The following MCF2 variants were observed in gnomAD, a reference collection of about 807,000 sequenced individuals.
MCF2 encodes MCF.2 cell line derived transforming sequence, also known as proto-oncogene DBL.
In MCF2, 44 loss-of-function variants were observed where a neutral mutation model predicts 82.5. That is an observed-to-expected ratio of 0.53 (90% CI 0.42 to 0.69). The LOEUF is 0.69. MCF2 is among the 30% of genes least tolerant of loss of function. MCF2 has a pLI of 0.00. For synonymous variants in MCF2, 217 were observed against 224.9 expected (o/e 0.96, Z 0.32); for missense variants, 623 against 663.1 (o/e 0.94, Z 0.66).
chrX:139,591,287 T>C (rs1476624798), intron 19 of MCF2, among the ~76,000 whole-genome samples: 1 of 111,648 alleles, frequency 9.0e-6, no homozygotes, highest in Non-Finnish European at 1.9e-5. Context: ...GAGTAAATGC[T>C]TAGATCCTAT....
intron 19 of MCF2, among the ~76,000 whole-genome samples, chrX:139,595,880 T>C (rs955828767): frequency 4.5e-5 from 5 of 111,719 alleles, no homozygotes; most frequent in African/African-American, 9.7e-5. Flanking sequence ...GTAAGTATCA[T>C]TGGGTTGTCA....
At chrX:139,694,513 CAATAG>C (rs1187160420) in intron 1 of MCF2, among the ~76,000 whole-genome samples, 1 of 110,224 alleles carries the variant, frequency 9.1e-6, no homozygotes, top group Non-Finnish European at 1.9e-5. Flanking sequence ...ACTTATAGAT[CAATAG>C]AATAGAACTG....
chrX:139,695,946 C>G (rs1385979427), intron 1 of MCF2, among the ~76,000 whole-genome samples: 1 of 112,120 alleles, frequency 8.9e-6, no homozygotes. Flanking sequence ...GGAAAGAACA[C>G]TAACCTCAGG....
At chrX:139,679,020 T>A (rs1934939446) in intron 1 of MCF2, among the ~76,000 whole-genome samples, 1 of 112,404 alleles carries the variant, frequency 8.9e-6, no homozygotes. Flanking sequence ...TAAATACGAA[T>A]GACTTGACAC....
chrX:139,704,358 C>G lies in MCF2; in HGVS notation c.-45+3748G>C, dbSNP rs563061609. ...ACTTAGAAAATTTTAAAGATGCTGC[C>G]AAAAGGCTCCTAGAAATTGCCTTGT... On this transcript the variant is annotated intron_variant, in intron 1 of 27. Transcript: ENST00000414978. Among the ~76,000 whole-genome samples, 28 of 112,356 alleles carry G rather than the reference C, an allele frequency of 2.5e-4. No individual in the cohort carries two copies. In the South Asian group the frequency reaches 0.01, roughly 41 times the overall value.
At chrX:139,582,268 T>C (rs1928537338) in exon 25 of MCF2, 2 of 462,986 alleles carry the variant, frequency 4.3e-6, no homozygotes, top group Non-Finnish European at 7.7e-6. Flanking sequence ...ATTAAATACA[T>C]GATTTTAAAA....
chrX:139,628,750 G>A (rs1932826786), intron 4 of MCF2, among the ~76,000 whole-genome samples: 1 of 112,060 alleles, frequency 8.9e-6, no homozygotes, highest in Admixed American at 9.5e-5. Flanking sequence ...TGAATGCCCA[G>A]TGCTTGTTCA....
intron 19 of MCF2, among the ~76,000 whole-genome samples, chrX:139,593,311 C>G (rs887139225): frequency 8.1e-5 from 9 of 110,461 alleles, no homozygotes; most frequent in Non-Finnish European, 1.3e-4. Context: ...AGCAGTTTAT[C>G]AATTTTGTTG....
intron 10 of MCF2, 107 bp from the exon 15 acceptor site, chrX:139,610,445 GT>G: frequency 2.3e-6 from 1 of 436,376 alleles, no homozygotes; most frequent in Non-Finnish European, 3.8e-6. Context: ...ATTCCAATAT[GT>G]TTATATTAGT....
intron 2 of MCF2, among the ~76,000 whole-genome samples, chrX:139,651,153 AACTGT>A (rs992023475): frequency 1.5e-4 from 15 of 99,130 alleles, no homozygotes; most frequent in African/African-American, 7.9e-4. Flanking sequence ...AATGCCGCTG[AACTGT>A]ACTCTTCAAA....
At chrX:139,678,314 C>T (rs1052623338) in intron 1 of MCF2, among the ~76,000 whole-genome samples, 7 of 111,864 alleles carry the variant, frequency 6.3e-5, no homozygotes, top group Admixed American at 4.8e-4. Flanking sequence ...TCCACCTTCA[C>T]GCTAATGGTC....
chrX:139,599,299 T>C (rs1217175278), intron 16 of MCF2, among the ~76,000 whole-genome samples: 1 of 107,570 alleles, frequency 9.3e-6, no homozygotes, highest in African/African-American at 3.4e-5. Context: ...ACCAACTTGA[T>C]ACATGCGTTT....
rs1935012712 is a variant in MCF2, at chrX:139,682,123, T to C, written c.-45+25983A>G. Among the ~76,000 whole-genome samples the C allele has an allele frequency of 2.8e-5, 3 of 108,187 alleles. 1 individual carries two copies. In the South Asian group the frequency reaches 1.2e-3, roughly 45 times the overall value. The allele number at this position is 108,187 out of a possible 115,157, so 93.9% of individuals were successfully genotyped here. On this transcript the variant is annotated intron_variant, in intron 1 of 27. Coordinates refer to the MCF2 transcript ENST00000414978. ...GGGAAGAACCGAGAAAAGAGAAGGA[T>C]GAAAGAGAGAGGGCAGGAAAAATGC...
At chrX:139,587,002 A>C (rs965912946) in intron 22 of MCF2, among the ~76,000 whole-genome samples, 4 of 111,802 alleles carry the variant, frequency 3.6e-5, no homozygotes, top group African/African-American at 1.3e-4. Flanking sequence ...GTGAACCACC[A>C]TATGTTTCAT....
chrX:139,679,799 A>C (rs7878896), intron 1 of MCF2, among the ~76,000 whole-genome samples: 21,567 of 110,173 alleles, frequency 0.2, 3,056 homozygotes, highest in African/African-American at 0.5. Context: ...AGGACCTGAA[A>C]GACCTTCCAC....
At position 139,671,750 on chromosome X, in the gene MCF2, C is replaced by T. The variant is rs747607520; in HGVS notation, c.-44-19962G>A. 6.2e-3 allele frequency among the ~76,000 whole-genome samples: 692 copies of T among 111,561 alleles called. 1 individual carries two copies. The highest frequency in any genetic ancestry group is 0.015 in the African/African-American group (462 of 30,726). ...TATAGTTTGAAGACAGGTAGCATGA[C>T]GCCTCCAGCTTTGTTCTTTTGGCTT... On this transcript the variant is annotated intron_variant, in intron 1 of 27. Coordinates refer to the MCF2 transcript ENST00000414978.
In MCF2 at chrX:139,598,923, A is replaced by G. The variant is rs59419030; in HGVS notation, c.1837-425T>C. 9.7e-3 allele frequency among the ~76,000 whole-genome samples: 1,075 copies of G among 110,891 alleles called. 11 individuals are homozygous for G. The highest frequency in any genetic ancestry group is 0.034 in the African/African-American group (1,027 of 30,590). On this transcript the variant is annotated intron_variant, in intron 16 of 24. Coordinates refer to ENST00000370576, the Ensembl canonical transcript of MCF2. ...GAATATAAATCAGACTGGATATGAGAACAAAATTTTTAATATAACAAGAAA... is the reference window on the plus strand; with the variant it reads ...GAATATAAATCAGACTGGATATGAGGACAAAATTTTTAATATAACAAGAAA...
At chrX:139,701,406 G>C (rs1204172179) in intron 1 of MCF2, among the ~76,000 whole-genome samples, 4 of 112,134 alleles carry the variant, frequency 3.6e-5, no homozygotes, top group Non-Finnish European at 7.5e-5. Flanking sequence ...TCTACAGTCA[G>C]TTGACTTTAA....
chrX:139,675,460 G>A lies in MCF2; in HGVS notation c.-44-23672C>T, dbSNP rs186840608. Among the ~76,000 whole-genome samples, 97 of 112,373 alleles carry A rather than the reference G, an allele frequency of 8.6e-4. 3 individuals carry two copies. In the East Asian group the frequency reaches 0.012, roughly 14 times the overall value. On this transcript the variant is annotated intron_variant, in intron 1 of 27. Transcript: ENST00000414978. ...GTTTTATCTACCTTTAGTCTTTAATGTTGGTGACCTACAGATGGCGTTTTG... is the reference window on the plus strand; with the variant it reads ...GTTTTATCTACCTTTAGTCTTTAATATTGGTGACCTACAGATGGCGTTTTG...
Sources: gnomAD v4.1 joint callset for allele counts (sites outside exome capture counted in the v4.1 genomes callset) on GRCh38, gnomAD v4.1.1 for gene constraint, MANE v1.5 for transcripts, NCBI Gene and HGNC (gene_info 2026-07-23, HGNC 2026-07-21) for gene names.